The following ZNF518A variants were observed in gnomAD, a reference collection of about 807,000 sequenced individuals.
ZNF518A encodes zinc finger protein 518A.
ZNF518A carries 47 observed loss-of-function variants against 102.7 expected under a neutral mutation model. The observed-to-expected ratio is 0.46, with a 90% CI of 0.36 to 0.58. ZNF518A has a LOEUF of 0.58. Among genes scored for constraint, ZNF518A ranks in the 20% least tolerant of loss-of-function variants. The pLI is 0.00. For missense variants in ZNF518A, 1,793 were observed against 1,699.8 expected, an observed-to-expected ratio of 1.05 and a Z score of -0.96; for synonymous variants, 652 against 594.6, an observed-to-expected ratio of 1.10 and a Z score of -1.40.
At chr10:96,195,666 A>G (rs1229967902) in intron 1 of ZNF518A, among the ~76,000 whole-genome samples, 2 of 152,162 alleles carry the variant, frequency 1.3e-5, no homozygotes, top group African/African-American at 4.8e-5. Context: ...GAAAAGGGAA[A>G]CTGTTGTTCA....
downstream of ZNF518A, chr10:96,204,431 A>T: frequency 7.7e-7 from 1 of 1,300,622 alleles, no homozygotes; most frequent in East Asian, 2.3e-5. Context: ...TTGGATTTTT[A>T]CCTAGCACTG....
Position 96,182,239 on chromosome 10 carries a change from C to T in ZNF518A, n.36-21335C>T, listed in dbSNP as rs187142519. ...TTAAGGAGATTTGGGGCTGATACAA[C>T]GGGGTTTTCTAGATATACAATAATG... On this transcript the variant is annotated intron_variant and non_coding_transcript_variant, in intron 1 of 2. Coordinates refer to the ZNF518A transcript ENST00000442635. Among the ~76,000 whole-genome samples, 566 of 152,230 alleles carry T rather than the reference C, an allele frequency of 3.7e-3. 5 individuals are homozygous for T. Among genetic ancestry groups the T allele is most frequent in the African/African-American group, 9.3e-3 (387 of 41,542 alleles).
chr10:96,181,054 G>T (rs1307557435), intron 1 of ZNF518A, among the ~76,000 whole-genome samples: 2 of 152,206 alleles, frequency 1.3e-5, no homozygotes, highest in African/African-American at 2.4e-5. Context: ...GTGTAAGATG[G>T]TATCTCATTG....
chr10:96,178,404 G>A lies in ZNF518A; in HGVS notation n.35+22357G>A, dbSNP rs138183699. Among the ~76,000 whole-genome samples, 16 of 152,074 alleles carry A rather than the reference G, an allele frequency of 1.1e-4. No individual in the cohort carries two copies. The East Asian group carries it at 1.7e-3, about 17-fold the overall frequency. On this transcript the variant is annotated intron_variant and non_coding_transcript_variant, in intron 1 of 2. Transcript: ENST00000442635. Reference sequence around the variant, plus strand: ...GGGAAATTTAGAAATATTTTTAAGCGAATGAAATTGAGAAATCTATATTAC... The same window carrying A: ...GGGAAATTTAGAAATATTTTTAAGCAAATGAAATTGAGAAATCTATATTAC...
chr10:96,189,869 G>A (rs2083301639), intron 1 of ZNF518A: 1 of 1,172,006 alleles, frequency 8.5e-7, no homozygotes, highest in Non-Finnish European at 1.3e-6. Flanking sequence ...TTCCTCCACA[G>A]CTACTAAATG....
intron 3 of ZNF518A, among the ~76,000 whole-genome samples, chr10:96,154,408 T>TCCTC (rs782556200): frequency 5.9e-5 from 9 of 152,100 alleles, no homozygotes; most frequent in Non-Finnish European, 1.0e-4. Context: ...CGTTTCTTTC[T>TCCTC]CCTCCCTCCC....
intron 1 of ZNF518A, among the ~76,000 whole-genome samples, chr10:96,172,048 T>C (rs2083176754): frequency 6.6e-6 from 1 of 152,102 alleles, no homozygotes; most frequent in African/African-American, 2.4e-5. Context: ...GAAGGCAAAA[T>C]GGATATTTCA....
intron 1 of ZNF518A, among the ~76,000 whole-genome samples, chr10:96,186,443 A>G (rs782764299): frequency 1.6e-4 from 25 of 152,106 alleles, no homozygotes; most frequent in East Asian, 7.7e-4. Context: ...CTGTCATCAG[A>G]CTGGAGTGCA....
At chr10:96,191,870 G>T in intron 1 of ZNF518A, 1 of 1,473,946 alleles carries the variant, frequency 6.8e-7, no homozygotes, top group Non-Finnish European at 9.4e-7. Context: ...TTTTATTACT[G>T]GATGATTCAT....
At chr10:96,181,230 A>AGACTCTGGATATTAGCCCTTTGTC (rs1554891996) in intron 1 of ZNF518A, among the ~76,000 whole-genome samples, 1 of 143,968 alleles carries the variant, frequency 6.9e-6, no homozygotes, top group Non-Finnish European at 1.5e-5. Context: ...AGTTCTTTGT[A>AGACTCTGGATATTAGCCCTTTGTC]GACTCTGGAT....
intron 1 of ZNF518A, among the ~76,000 whole-genome samples, chr10:96,132,172 TGTGA>T (rs2081371751): frequency 1.3e-5 from 2 of 151,800 alleles, no homozygotes; most frequent in Admixed American, 1.3e-4. Context: ...GTGTGTAGGC[TGTGA>T]GTATTTCAGT....
chr10:96,189,276 C>T (rs2083293483), intron 1 of ZNF518A: 2 of 425,846 alleles, frequency 4.7e-6, no homozygotes, highest in Non-Finnish European at 8.8e-6. Context: ...TCTCACTCTG[C>T]ATTATAGAAA....
intron 3 of ZNF518A, among the ~76,000 whole-genome samples, chr10:96,143,388 A>T (rs915444213): frequency 6.6e-6 from 1 of 151,906 alleles, no homozygotes; most frequent in Non-Finnish European, 1.5e-5. Flanking sequence ...TCTCTTTTTC[A>T]TCTAGACCCT....
At position 96,157,501 on chromosome 10, in the gene ZNF518A, A is replaced by G. The variant is rs894137336; in HGVS notation, c.1179A>G (p.Pro393=). 7.4e-6 allele frequency: 12 copies of G among 1,613,752 alleles called. No individual in the cohort carries two copies. The highest frequency in any genetic ancestry group is 4.0e-5 in the African/African-American group (3 of 74,926). The change falls in exon 6 of 6, where the codon CCA becomes CCG. Residue 393 remains proline (P), a synonymous_variant. Transcript: ENST00000316045. ...DKAPESESEK[P]TPLSTGQGNR... is the part of the protein sequence containing the mutation. Reference sequence around the variant, plus strand: ...CCCCTGAATCAGAGTCAGAGAAGCCAACTCCTCTGTCCACTGGGCAAGGTA... The same window carrying G: ...CCCCTGAATCAGAGTCAGAGAAGCCGACTCCTCTGTCCACTGGGCAAGGTA...
At chr10:96,153,034 C>A (rs781978441) in intron 3 of ZNF518A, among the ~76,000 whole-genome samples, 1 of 152,170 alleles carries the variant, frequency 6.6e-6, no homozygotes, top group Non-Finnish European at 1.5e-5. Context: ...ATGATTCAGT[C>A]CAAGTCCAAA....
At chr10:96,191,697 A>C (rs1458118881) in intron 1 of ZNF518A, 5 of 311,814 alleles carry the variant, frequency 1.6e-5, no homozygotes, top group Non-Finnish European at 1.2e-5. Context: ...TATACTTTAC[A>C]CTTATTTTTA....
intron 3 of ZNF518A, among the ~76,000 whole-genome samples, chr10:96,149,937 A>T (rs1554879819): frequency 6.6e-6 from 1 of 151,976 alleles, no homozygotes; most frequent in East Asian, 1.9e-4. Flanking sequence ...GCTTTTCTGG[A>T]TGTGAAATTA....
intron 1 of ZNF518A, chr10:96,201,067 G>A (rs2083619954): frequency 1.2e-6 from 2 of 1,611,026 alleles, no homozygotes; most frequent in Non-Finnish European, 1.7e-6. Flanking sequence ...TCCTGAAAGG[G>A]ATCAGAAAAG....
intron 1 of ZNF518A, among the ~76,000 whole-genome samples, chr10:96,132,069 G>C (rs1013381589): frequency 1.3e-5 from 2 of 150,268 alleles, no homozygotes; most frequent in Non-Finnish European, 1.5e-5. Flanking sequence ...ATTCCTTCAG[G>C]TATGCTACTG....
Sources: allele counts gnomAD v4.1 joint callset (sites outside exome capture counted in the v4.1 genomes callset), GRCh38; gene constraint gnomAD v4.1.1; transcripts MANE v1.5; gene names NCBI Gene and HGNC (gene_info 2026-07-23, HGNC 2026-07-21).